ITGB5: variants seen among roughly 807,000 people sequenced by gnomAD.
The protein encoded by ITGB5 is integrin subunit beta 5.
A neutral mutation model predicts 84.8 loss-of-function variants in ITGB5; 38 were observed. The ratio of observed to expected loss-of-function variants is 0.45; its 90% CI spans 0.35 to 0.59. ITGB5 has a LOEUF of 0.59. ITGB5 is among the 20% of genes least tolerant of loss of function. ITGB5 has a pLI of 0.01. For missense variants in ITGB5, 905 were observed against 1,034.5 expected, an observed-to-expected ratio of 0.87 and a Z score of 1.72; for synonymous variants, 393 against 414.4, an observed-to-expected ratio of 0.95 and a Z score of 0.63.
chr3:124,823,087 C>T (rs1470023818), intron 5 of ITGB5, among the ~76,000 whole-genome samples: 1 of 151,870 alleles, frequency 6.6e-6, no homozygotes, highest in Non-Finnish European at 1.5e-5. Context: ...ATAGGGAGAC[C>T]CCATCTCTAC....
chr3:124,781,708 C>T (rs538385453), intron 10 of ITGB5, among the ~76,000 whole-genome samples: 2 of 152,286 alleles, frequency 1.3e-5, no homozygotes, highest in South Asian at 4.1e-4. Context: ...GGAGAACTTG[C>T]CAACTAAGGG....
chr3:124,777,396 C>T (rs1322201183), intron 10 of ITGB5, among the ~76,000 whole-genome samples: 1 of 152,238 alleles, frequency 6.6e-6, no homozygotes, highest in African/African-American at 2.4e-5. Flanking sequence ...TATTTGATGA[C>T]TTCAAAGCAA....
chr3:124,837,880 C>T (rs951407548), intron 5 of ITGB5, among the ~76,000 whole-genome samples: 7 of 152,324 alleles, frequency 4.6e-5, no homozygotes, highest in South Asian at 2.1e-4. Flanking sequence ...GCAGCGCTGC[C>T]GGGGAATTGC....
chr3:124,823,517 T>C (rs913425461), intron 5 of ITGB5, among the ~76,000 whole-genome samples: 2 of 151,576 alleles, frequency 1.3e-5, no homozygotes, highest in African/African-American at 4.8e-5. Context: ...GTTGGAATAG[T>C]GGTTCTCCTT....
At chr3:124,774,358 T>TAATC in intron 10 of ITGB5, among the ~76,000 whole-genome samples, 1 of 152,198 alleles carries the variant, frequency 6.6e-6, no homozygotes, top group East Asian at 1.9e-4. Context: ...GCCCTAAATG[T>TAATC]AATCACCAAG....
At chr3:124,834,932 A>T (rs913671080) in intron 5 of ITGB5, among the ~76,000 whole-genome samples, 1 of 152,160 alleles carries the variant, frequency 6.6e-6, no homozygotes, top group Non-Finnish European at 1.5e-5. Flanking sequence ...CTCAGTGGAC[A>T]TTCCAAGCAA....
intron 5 of ITGB5, among the ~76,000 whole-genome samples, chr3:124,832,105 C>T (rs924775880): frequency 1.3e-5 from 2 of 152,224 alleles, no homozygotes; most frequent in African/African-American, 2.4e-5. Flanking sequence ...AAACTCTTAG[C>T]TCCAGAAAAG....
Position 124,763,732 on chromosome 3 carries a change from C to T in ITGB5, c.2305-14G>A, listed in dbSNP as rs111551166. On this transcript the variant is annotated splice_polypyrimidine_tract_variant and intron_variant, in intron 14 of 14. Coordinates refer to ENST00000296181, the MANE Select transcript of ITGB5 (RefSeq NM_002213.5). ...TGGATTTGAAGCCTACAGAACACGG[C>T]GGGGAAGAGGATGAGGACACATGTT... is the stretch of plus-strand genomic sequence containing the variant. The T allele has an allele frequency of 1.0e-4, 151 of 1,501,048 alleles. No homozygotes were observed. Among genetic ancestry groups the T allele is most frequent in the African/African-American group, 4.3e-4 (31 of 72,840 alleles). The allele number at this position is 1,501,048 out of a possible 1,614,324, so 93.0% of individuals were successfully genotyped here.
At chr3:124,812,374 G>T (rs114539821) in intron 8 of ITGB5, among the ~76,000 whole-genome samples, 13 of 152,312 alleles carry the variant, frequency 8.5e-5, no homozygotes, top group Non-Finnish European at 1.6e-4. Context: ...ATCTGCAATT[G>T]CTTTAAGTCG....
At chr3:124,884,461 G>T (rs1934713966) in intron 1 of ITGB5, among the ~76,000 whole-genome samples, 1 of 152,148 alleles carries the variant, frequency 6.6e-6, no homozygotes, top group South Asian at 2.1e-4. Flanking sequence ...AGCATTTTGG[G>T]AGGCCGAGGC....
chr3:124,889,502 C>T (rs1460457946), upstream of ITGB5, among the ~76,000 whole-genome samples: 1 of 152,214 alleles, frequency 6.6e-6, no homozygotes, highest in Non-Finnish European at 1.5e-5. Flanking sequence ...CCGTCACTGG[C>T]ACATCCTTAA....
intron 3 of ITGB5, among the ~76,000 whole-genome samples, chr3:124,855,270 C>T (rs1258334836): frequency 5.3e-5 from 8 of 152,230 alleles, no homozygotes; most frequent in African/African-American, 1.9e-4. Flanking sequence ...CACGTCACTG[C>T]ACTCCAGCCT....
chr3:124,804,396 A>G, intron 9 of ITGB5, among the ~76,000 whole-genome samples: 1 of 152,044 alleles, frequency 6.6e-6, no homozygotes, highest in Non-Finnish European at 1.5e-5. Context: ...AACCACAAAG[A>G]AATTAGCTGG....
At position 124,763,648 on chromosome 3, in the gene ITGB5, T is replaced by G. The variant is rs1160993006; in HGVS notation, c.2375A>C (p.Lys792Thr). 4 of 1,247,340 alleles carry G rather than the reference T, an allele frequency of 3.2e-6. No homozygotes were observed. Among genetic ancestry groups the G allele is most frequent in the Non-Finnish European group, 4.5e-6 (4 of 894,924 alleles). The allele number at this position is 1,247,340 out of a possible 1,614,324, so 77.3% of individuals were successfully genotyped here. ...TCAGTCCACAGTGCCATTGTAGGAT[T>G]TGTTGAACTTGTTGAAGGTGAAGTC... ...TVDFTFNKFN[K>T]SYNGTVD The change falls in exon 15 of 15, where the codon AAA becomes ACA. Residue 792 changes from lysine (K) to threonine (T), a missense_variant. By Grantham distance (78) the Lys-to-Thr change is moderately conservative. Around this residue, in one of 3 missense-constraint regions of ITGB5, gnomAD observed 133 missense variants for 122.8 expected, o/e 1.08. Transcript: ENST00000296181.
At chr3:124,843,413 TG>T (rs1347427475) in intron 4 of ITGB5, among the ~76,000 whole-genome samples, 1 of 152,178 alleles carries the variant, frequency 6.6e-6, no homozygotes, top group Non-Finnish European at 1.5e-5. Flanking sequence ...AACTGAATAA[TG>T]ATTGCTGTTT....
chr3:124,886,903 T>C, intron 1 of ITGB5, 28 bp downstream of exon 1: 1 of 1,204,262 alleles, frequency 8.3e-7, no homozygotes, highest in Non-Finnish European at 1.0e-6. Flanking sequence ...ACAAAGTTTC[T>C]CTGGGCGCCG....
At chr3:124,825,285 T>C (rs2064769965) in intron 5 of ITGB5, among the ~76,000 whole-genome samples, 1 of 152,184 alleles carries the variant, frequency 6.6e-6, no homozygotes. Flanking sequence ...GGAAAACAGT[T>C]TGACAGATTC....
intron 9 of ITGB5, among the ~76,000 whole-genome samples, chr3:124,807,339 C>T (rs66468076): frequency 0.18 from 26,718 of 152,130 alleles, 2,563 homozygotes; most frequent in Admixed American, 0.26. Context: ...TCGTTCGAAC[C>T]TGGGAAGCGG....
At chr3:124,802,264 G>C (rs530218564) in intron 9 of ITGB5, among the ~76,000 whole-genome samples, 4 of 152,350 alleles carry the variant, frequency 2.6e-5, no homozygotes, top group Admixed American at 1.3e-4. Context: ...ACAGTCACTG[G>C]CAAGTTCTGA....
Sources: allele counts gnomAD v4.1 joint callset (sites outside exome capture counted in the v4.1 genomes callset), GRCh38; gene constraint gnomAD v4.1.1; regional missense constraint gnomAD v4.1.1; transcripts MANE v1.5; gene names NCBI Gene and HGNC (gene_info 2026-07-23, HGNC 2026-07-21).